The following RPS6KC1 variants were observed in gnomAD, a reference collection of about 807,000 sequenced individuals.
RPS6KC1 encodes the protein ribosomal protein S6 kinase C1, also known as inactive ribosomal protein S6 kinase delta-1.
In RPS6KC1, 54 loss-of-function variants were observed where a neutral mutation model predicts 103.8. The ratio of observed to expected loss-of-function variants is 0.52; its 90% CI spans 0.42 to 0.65. The LOEUF (loss-of-function observed/expected upper bound fraction) is 0.65, where lower values mean the gene tolerates loss of function less well. Ranked by LOEUF, RPS6KC1 falls within the 30% of genes least tolerant of loss-of-function variation. The pLI is 0.00. For synonymous variants in RPS6KC1, 439 were observed against 438.7 expected (o/e 1.00, Z -0.01); for missense variants, 1,151 against 1,253.8 (o/e 0.92, Z 1.24).
the RPS6KC1 span, among the ~76,000 whole-genome samples, chr1:213,806,138 C>T: frequency 6.6e-6 from 1 of 152,120 alleles, no homozygotes; most frequent in East Asian, 1.9e-4. Context: ...TGAGACCATC[C>T]TGGCTAACAC....
chr1:213,372,810 G>A, the RPS6KC1 span, among the ~76,000 whole-genome samples: 1 of 151,610 alleles, frequency 6.6e-6, no homozygotes, highest in Non-Finnish European at 1.5e-5. Flanking sequence ...TATGTGTCTT[G>A]CAAACACACA....
chr1:213,104,427 TAA>T (rs753178656), intron 3 of RPS6KC1, 25 bp from the exon 4 acceptor site: 141 of 1,406,724 alleles, frequency 1.0e-4, no homozygotes, highest in Non-Finnish European at 3.0e-5. Flanking sequence ...ATTCTTCCCT[TAA>T]GTGTTGATTC....
intron 4 of RPS6KC1, among the ~76,000 whole-genome samples, chr1:213,112,005 A>T (rs1215616698): frequency 6.6e-6 from 1 of 152,204 alleles, no homozygotes; most frequent in Admixed American, 6.5e-5. Flanking sequence ...TTCACATAAC[A>T]CTAAGGGAAG....
At chr1:213,446,516 G>T in the RPS6KC1 span, among the ~76,000 whole-genome samples, 1 of 152,144 alleles carries the variant, frequency 6.6e-6, no homozygotes, top group African/African-American at 2.4e-5. Flanking sequence ...TTCTCTTAAG[G>T]CTTTCAAGGA....
the RPS6KC1 span, among the ~76,000 whole-genome samples, chr1:213,303,217 A>ATTG: frequency 6.6e-6 from 1 of 152,178 alleles, no homozygotes; most frequent in Non-Finnish European, 1.5e-5. Context: ...GGGATCTCCA[A>ATTG]GTCAGTTTCA....
chr1:213,500,355 C>G, the RPS6KC1 span, among the ~76,000 whole-genome samples: 1 of 152,098 alleles, frequency 6.6e-6, no homozygotes, highest in Admixed American at 6.6e-5. Flanking sequence ...ACTAACGGCG[C>G]GGCCATCTCC....
intron 8 of RPS6KC1, among the ~76,000 whole-genome samples, chr1:213,215,224 G>T (rs1345075144): frequency 2.0e-5 from 3 of 152,212 alleles, no homozygotes; most frequent in Admixed American, 2.0e-4. Context: ...AGAACTTCAT[G>T]ACGAATGCAC....
At chr1:213,056,553 G>A (rs1383253239) in intron 1 of RPS6KC1, among the ~76,000 whole-genome samples, 1 of 152,148 alleles carries the variant, frequency 6.6e-6, no homozygotes, top group Non-Finnish European at 1.5e-5. Context: ...AGGGGAGTGA[G>A]GGAATTAATG....
At chr1:213,848,480 T>A in the RPS6KC1 span, among the ~76,000 whole-genome samples, 5 of 152,258 alleles carry the variant, frequency 3.3e-5, no homozygotes, top group South Asian at 1.0e-3. Flanking sequence ...AGTAATTCAT[T>A]CTTTACTATA....
At chr1:213,809,233 A>T in the RPS6KC1 span, among the ~76,000 whole-genome samples, 2 of 152,174 alleles carry the variant, frequency 1.3e-5, no homozygotes, top group Non-Finnish European at 2.9e-5. Flanking sequence ...GGAGACAGAG[A>T]TGAGGGATGG....
At chr1:213,810,467 A>G in the RPS6KC1 span, among the ~76,000 whole-genome samples, 3 of 152,204 alleles carry the variant, frequency 2.0e-5, no homozygotes, top group Non-Finnish European at 4.4e-5. Flanking sequence ...GCCGAATTGG[A>G]AGAAGATACA....
chr1:213,134,406 A>G (rs562162421), intron 6 of RPS6KC1, among the ~76,000 whole-genome samples: 62 of 151,380 alleles, frequency 4.1e-4, no homozygotes, highest in African/African-American at 1.4e-3. Context: ...TATGAGTGAC[A>G]TTTCATAATG....
At chr1:213,569,227 G>C in the RPS6KC1 span, among the ~76,000 whole-genome samples, 5 of 152,130 alleles carry the variant, frequency 3.3e-5, no homozygotes, top group African/African-American at 1.2e-4. Context: ...CTGAGGTTGT[G>C]AGCTAAAACC....
intron 6 of RPS6KC1, among the ~76,000 whole-genome samples, chr1:213,132,428 C>T (rs1169204900): frequency 1.3e-5 from 2 of 152,114 alleles, no homozygotes; most frequent in Admixed American, 1.3e-4. Context: ...TATAAAAGAA[C>T]CTTTGTTTCA....
intron 3 of RPS6KC1, among the ~76,000 whole-genome samples, chr1:213,092,487 T>C (rs1218818937): frequency 2.7e-5 from 4 of 148,274 alleles, no homozygotes; most frequent in Non-Finnish European, 4.5e-5. Context: ...CTGGCTAACA[T>C]GGTGAAACCC....
At position 213,273,270 on chromosome 1, in the gene RPS6KC1, A is replaced by G. The variant is rs1246642551; in HGVS notation, c.*636A>G. The G allele has an allele frequency of 6.6e-6, 1 of 152,638 alleles. No homozygotes were observed. The highest frequency in any genetic ancestry group is 1.5e-5 in the Non-Finnish European group (1 of 68,076). The allele number at this position is 152,638 out of a possible 1,614,324, so 9.5% of individuals were successfully genotyped here. A position where few individuals can be genotyped will look rare whatever the true frequency, so the allele number is the denominator to read the frequency against. ...TGCTTATTTAGAGAAGGGTTCATAT[A>G]AACACTCACTCTGTGTCTTCAACAG... On this transcript the variant is annotated 3_prime_UTR_variant, in exon 15 of 15. Coordinates refer to ENST00000366960, the MANE Select transcript of RPS6KC1 (RefSeq NM_012424.6).
the RPS6KC1 span, among the ~76,000 whole-genome samples, chr1:213,622,781 G>T: frequency 6.6e-6 from 1 of 152,118 alleles, no homozygotes; most frequent in Non-Finnish European, 1.5e-5. Flanking sequence ...TCTTGAACCT[G>T]CTGTGGCTTG....
chr1:213,622,943 C>A, the RPS6KC1 span, among the ~76,000 whole-genome samples: 2 of 152,126 alleles, frequency 1.3e-5, no homozygotes, highest in African/African-American at 2.4e-5. Context: ...TCATTTCAGT[C>A]GCGCGAGGCC....
At chr1:213,416,963 G>A in the RPS6KC1 span, among the ~76,000 whole-genome samples, 2 of 152,304 alleles carry the variant, frequency 1.3e-5, no homozygotes, top group East Asian at 1.9e-4. Context: ...AGACCTAGCC[G>A]CAGTGAGGTT....
Sources: gnomAD v4.1 joint callset for allele counts (sites outside exome capture counted in the v4.1 genomes callset) on GRCh38, gnomAD v4.1.1 for gene constraint, MANE v1.5 for transcripts, NCBI Gene and HGNC (gene_info 2026-07-23, HGNC 2026-07-21) for gene names.